The following ANOS1 variants were observed in gnomAD, a reference collection of about 807,000 sequenced individuals.
The protein encoded by ANOS1 is anosmin-1.
Under a neutral mutation model 59.0 loss-of-function variants are expected in ANOS1, and 6 were observed. The observed-to-expected ratio is 0.10, with a 90% confidence interval of 0.06 to 0.20. The LOEUF is 0.20. ANOS1 is among the 10% of genes least tolerant of loss of function. ANOS1 has a pLI of 1.00. For synonymous variants in ANOS1, 217 were observed against 223.4 expected, an observed-to-expected ratio of 0.97 and a Z score of 0.25; for missense variants, 433 against 542.3, an observed-to-expected ratio of 0.80 and a Z score of 2.00.
chrX:8,535,911 T>C (rs1929583310), intron 11 of ANOS1, 100 bp from the exon 12 acceptor site: 2 of 639,513 alleles, frequency 3.1e-6, no homozygotes, highest in African/African-American at 2.2e-5. Flanking sequence ...TATGGGATGA[T>C]ATTAATAGAA....
Position 8,536,759 on chromosome X carries a change from G to A in ANOS1, c.1621+12C>T. On this transcript the variant is annotated intron_variant, in intron 11 of 13. Coordinates refer to ENST00000262648, the MANE Select transcript of ANOS1 (RefSeq NM_000216.4). ...AGACCTAGATGTAGAAGTCCTTCAG[G>A]TGAAAACGTACCTGCTTCGCCCAGG... The A allele has an allele frequency of 1.7e-6, 2 of 1,196,862 alleles. No homozygotes were observed. Among genetic ancestry groups the A allele is most frequent in the Non-Finnish European group, 2.3e-6 (2 of 883,316 alleles).
intron 2 of ANOS1, among the ~76,000 whole-genome samples, chrX:8,643,368 G>A (rs1040712168): frequency 4.5e-5 from 5 of 111,307 alleles, no homozygotes; most frequent in Admixed American, 9.6e-5. Context: ...TTCATTTTGT[G>A]TTATGCTGTT....
chrX:8,574,303 C>CAA (rs377507452), intron 6 of ANOS1, among the ~76,000 whole-genome samples: 19 of 80,066 alleles, frequency 2.4e-4, no homozygotes, highest in African/African-American at 7.0e-4. Flanking sequence ...CTCCATTTAC[C>CAA]AAAAAAAAAA....
At chrX:8,571,792 G>A (rs1930237277) in intron 6 of ANOS1, among the ~76,000 whole-genome samples, 1 of 111,645 alleles carries the variant, frequency 9.0e-6, no homozygotes, top group African/African-American at 3.3e-5. Context: ...ATTTACAGAG[G>A]GTTTCATTTC....
chrX:8,560,792 T>C (rs950834718), intron 8 of ANOS1, among the ~76,000 whole-genome samples: 4 of 112,522 alleles, frequency 3.6e-5, no homozygotes, highest in Admixed American at 1.9e-4. Context: ...CCCATTTATA[T>C]GGTTTAATAA....
intron 1 of ANOS1, 138 bp downstream of exon 1, chrX:8,731,692 C>A: frequency 3.8e-6 from 4 of 1,061,565 alleles, no homozygotes; most frequent in Non-Finnish European, 4.9e-6. Flanking sequence ...ACTGTAAGAT[C>A]CACGCCCAGG....
In ANOS1 at chrX:8,685,605, A is replaced by G. The variant is rs867964821; in HGVS notation, c.255+14093T>C. ...AAGAAAGAGAAAGAAAGGAAGAAAG[A>G]AAGAAAGAAAGAAAGAAAGAAAGAA... On this transcript the variant is annotated intron_variant, in intron 2 of 13. Coordinates refer to ENST00000262648, the MANE Select transcript of ANOS1 (RefSeq NM_000216.4). Among the ~76,000 whole-genome samples, 53 of 63,683 alleles carry G rather than the reference A, an allele frequency of 8.3e-4. No individual in the cohort carries two copies. The East Asian group carries it at 0.022, about 27-fold the overall frequency. 55.3% of individuals were successfully genotyped at this position (63,683 alleles called of 115,157 possible). A position where few individuals can be genotyped will look rare whatever the true frequency, so the allele number is the denominator to read the frequency against.
intron 8 of ANOS1, among the ~76,000 whole-genome samples, chrX:8,565,382 A>G (rs571165813): frequency 2.7e-5 from 3 of 111,723 alleles, no homozygotes; most frequent in Non-Finnish European, 3.8e-5. Context: ...AATATAGTGA[A>G]GGATGAAGTT....
At chrX:8,690,477 G>A (rs1387104305) in intron 2 of ANOS1, among the ~76,000 whole-genome samples, 1 of 112,076 alleles carries the variant, frequency 8.9e-6, no homozygotes, top group Non-Finnish European at 1.9e-5. Flanking sequence ...TATTAGAATT[G>A]CAATCAGATA....
chrX:8,692,638 C>T (rs988416629), intron 2 of ANOS1, among the ~76,000 whole-genome samples: 4 of 111,333 alleles, frequency 3.6e-5, no homozygotes, highest in Non-Finnish European at 7.5e-5. Flanking sequence ...ATGTGAGGGC[C>T]TCCCGATCCC....
intron 1 of ANOS1, among the ~76,000 whole-genome samples, chrX:8,710,712 G>A (rs747648567): frequency 4.9e-4 from 55 of 111,635 alleles, no homozygotes; most frequent in Non-Finnish European, 1.0e-3. Flanking sequence ...AATTCCTAGC[G>A]AAATCTCTCA....
intron 6 of ANOS1, among the ~76,000 whole-genome samples, chrX:8,581,310 T>C (rs1400849292): frequency 9.0e-6 from 1 of 111,694 alleles, no homozygotes; most frequent in African/African-American, 3.3e-5. Context: ...TTTCTCTTGC[T>C]GCCACCATGT....
At chrX:8,633,274 G>T (rs1318166123) in intron 2 of ANOS1, among the ~76,000 whole-genome samples, 1 of 111,490 alleles carries the variant, frequency 9.0e-6, no homozygotes, top group East Asian at 2.8e-4. Flanking sequence ...AGGAAACACG[G>T]GCCTCATTTT....
Position 8,581,467 on chromosome X carries a change from C to T in ANOS1, c.856+3800G>A, listed in dbSNP as rs150155771. On this transcript the variant is annotated intron_variant, in intron 6 of 13. Transcript: ENST00000262648. ...AGACTAATACAACACCCAAAATTTA[C>T]ATTTCCATATGTCTCAATTTGAGGT... Among the ~76,000 whole-genome samples the T allele has an allele frequency of 6.0e-3, 675 of 111,848 alleles. 5 individuals are homozygous for T. The highest frequency in any genetic ancestry group is 0.021 in the African/African-American group (643 of 30,753).
At chrX:8,535,521 C>T (rs1253449125) in intron 12 of ANOS1, 70 bp downstream of exon 12, 7 of 846,958 alleles carry the variant, frequency 8.3e-6, no homozygotes, top group Non-Finnish European at 1.2e-5. Context: ...GAGGTAGCCA[C>T]CTCTGAAGGT....
intron 6 of ANOS1, among the ~76,000 whole-genome samples, chrX:8,574,949 C>A (rs1210122471): frequency 8.9e-6 from 1 of 111,829 alleles, no homozygotes; most frequent in Admixed American, 9.5e-5. Flanking sequence ...ATGAAAGCTC[C>A]CTGAGAGGAG....
intron 4 of ANOS1, among the ~76,000 whole-genome samples, chrX:8,591,986 GT>G (rs987453252): frequency 3.6e-5 from 4 of 112,477 alleles, no homozygotes; most frequent in Admixed American, 9.4e-5. Flanking sequence ...GTGACGTCCA[GT>G]TTTTTTCTTT....
intron 5 of ANOS1, among the ~76,000 whole-genome samples, chrX:8,587,023 TC>T (rs2043882108): frequency 9.1e-6 from 1 of 109,905 alleles, no homozygotes; most frequent in African/African-American, 3.3e-5. Context: ...AGATTTTTTT[TC>T]CTATAGACAT....
chrX:8,664,193 T>C (rs1255137223), intron 2 of ANOS1, among the ~76,000 whole-genome samples: 1 of 111,394 alleles, frequency 9.0e-6, no homozygotes, highest in Non-Finnish European at 1.9e-5. Context: ...AAATAAACTT[T>C]GTTTGTTTGT....
Sources: allele counts gnomAD v4.1 joint callset (sites outside exome capture counted in the v4.1 genomes callset), GRCh38; gene constraint gnomAD v4.1.1; transcripts MANE v1.5; gene names NCBI Gene and HGNC (gene_info 2026-07-23, HGNC 2026-07-21).